Variants in PARVB observed in about 807,000 individuals in gnomAD.
The protein encoded by PARVB is parvin beta, also known as beta-parvin.
In PARVB, 46 loss-of-function variants were observed where a neutral mutation model predicts 47.0. The ratio of observed to expected loss-of-function variants is 0.98; its 90% CI spans 0.77 to 1.25. The LOEUF (loss-of-function observed/expected upper bound fraction) is 1.25, where lower values mean the gene tolerates loss of function less well. Ranked by LOEUF, PARVB falls within the 50% of genes most tolerant of loss-of-function variation. The probability of loss-of-function intolerance (pLI) is 0.00; values close to 1 mark genes in which losing one functional copy is unlikely to be tolerated. For missense variants in PARVB, 473 were observed against 471.6 expected (o/e 1.00, Z -0.03); for synonymous variants, 196 against 196.3 (o/e 1.00, Z 0.01).
At chr22:44,082,181 C>T (rs1324759778) in intron 1 of PARVB, among the ~76,000 whole-genome samples, 1 of 152,026 alleles carries the variant, frequency 6.6e-6, no homozygotes, top group African/African-American at 2.4e-5. Context: ...GGGCACTGGG[C>T]GGTAGGTTCC....
At chr22:44,154,991 T>A (rs1601694439) in intron 10 of PARVB, among the ~76,000 whole-genome samples, 1 of 120,886 alleles carries the variant, frequency 8.3e-6, no homozygotes, top group African/African-American at 3.1e-5. Context: ...TGTGTGGTTT[T>A]TGTAGTCTGT....
chr22:44,092,031 G>A (rs1274380807), intron 1 of PARVB, among the ~76,000 whole-genome samples: 1 of 152,136 alleles, frequency 6.6e-6, no homozygotes, highest in Non-Finnish European at 1.5e-5. Flanking sequence ...GATGTTCATT[G>A]TTTGGTTACA....
At chr22:44,028,321 T>G (rs527976912) in intron 1 of PARVB, among the ~76,000 whole-genome samples, 6 of 152,194 alleles carry the variant, frequency 3.9e-5, no homozygotes, top group East Asian at 1.9e-4. Context: ...TGTTTTGTTT[T>G]TTTGGTTTTT....
chr22:44,055,568 C>T (rs2051291503), intron 1 of PARVB, among the ~76,000 whole-genome samples: 1 of 151,994 alleles, frequency 6.6e-6, no homozygotes, highest in African/African-American at 2.4e-5. Flanking sequence ...CTCCTGACCT[C>T]GTGATCCGCC....
intron 4 of PARVB, among the ~76,000 whole-genome samples, chr22:44,129,103 G>A (rs920506564): frequency 7.9e-5 from 12 of 152,062 alleles, no homozygotes; most frequent in Admixed American, 7.9e-4. Context: ...ATTAAAAGAG[G>A]TAATGAAAGT....
chr22:44,149,179 A>T (rs1311276635), intron 9 of PARVB: 1 of 152,162 alleles, frequency 6.6e-6, no homozygotes, highest in African/African-American at 2.4e-5. Context: ...CTCTCTGTGC[A>T]TGGGCTTAGC....
intron 12 of PARVB, among the ~76,000 whole-genome samples, chr22:44,165,280 A>G (rs1439491409): frequency 2.4e-4 from 37 of 151,910 alleles, no homozygotes; most frequent in Admixed American, 2.4e-3. Context: ...GGCCTTGTTT[A>G]TTTTTTATTG....
At chr22:44,162,649 G>A (rs1219840600) in intron 11 of PARVB, 17 of 152,288 alleles carry the variant, frequency 1.1e-4, no homozygotes, top group Admixed American at 9.2e-4. Flanking sequence ...GAGCCCTGAA[G>A]TCCCTTGCAC....
Position 44,090,289 on chromosome 22 carries a change from G to A in PARVB, c.113-3639G>A, listed in dbSNP as rs193136094. On this transcript the variant is annotated intron_variant, in intron 1 of 12. Coordinates refer to ENST00000338758, the MANE Select transcript of PARVB (RefSeq NM_013327.5). ...GCTCCTCCTGCCAACCGAGGGGTCT[G>A]CCAGCCTGTGCCCCCCTCCTCCTGG... Among the ~76,000 whole-genome samples the A allele has an allele frequency of 1.6e-3, 241 of 152,340 alleles. 1 individual carries two copies. Among genetic ancestry groups the A allele is most frequent in the Non-Finnish European group, 2.6e-3 (176 of 68,028 alleles).
intron 11 of PARVB, among the ~76,000 whole-genome samples, chr22:44,161,303 CT>C (rs1412765431): frequency 3.3e-5 from 4 of 122,032 alleles, no homozygotes; most frequent in African/African-American, 1.3e-4. Flanking sequence ...CCTTGTTTTT[CT>C]TTTCTTTTTT....
intron 6 of PARVB, among the ~76,000 whole-genome samples, chr22:44,134,852 A>G (rs557512019): frequency 6.6e-6 from 1 of 152,330 alleles, no homozygotes; most frequent in East Asian, 1.9e-4. Context: ...CCATAAAACC[A>G]AGATTTTACT....
chr22:44,070,325 A>T (rs923591526), intron 1 of PARVB, among the ~76,000 whole-genome samples: 1 of 152,130 alleles, frequency 6.6e-6, no homozygotes, highest in Non-Finnish European at 1.5e-5. Flanking sequence ...GGGCCCTGCT[A>T]GGGGACCCAG....
chr22:44,096,257 C>T (rs2052305483), intron 2 of PARVB, among the ~76,000 whole-genome samples: 1 of 152,092 alleles, frequency 6.6e-6, no homozygotes, highest in African/African-American at 2.4e-5. Flanking sequence ...ATTAGCCAGG[C>T]ATGGTGGCAC....
intron 1 of PARVB, among the ~76,000 whole-genome samples, chr22:44,035,260 G>A (rs1366080728): frequency 6.6e-6 from 1 of 151,948 alleles, no homozygotes; most frequent in Non-Finnish European, 1.5e-5. Context: ...TTTACAAGAT[G>A]AATGCTCTGA....
chr22:44,152,165 TTA>T, intron 10 of PARVB: 1 of 151,908 alleles, frequency 6.6e-6, no homozygotes. Flanking sequence ...TTTTTTTTTT[TTA>T]AAGACAGAGT....
chr22:44,063,610 C>T (rs1003896970), intron 1 of PARVB, among the ~76,000 whole-genome samples: 1 of 152,022 alleles, frequency 6.6e-6, no homozygotes, highest in South Asian at 2.1e-4. Flanking sequence ...TTAGAGGGTG[C>T]CTGACAGGCA....
chr22:44,128,894 A>G (rs539732122), intron 4 of PARVB, among the ~76,000 whole-genome samples: 2 of 152,210 alleles, frequency 1.3e-5, no homozygotes, highest in South Asian at 4.1e-4. Flanking sequence ...CCTGATCAAC[A>G]TGGTGAAACC....
At chr22:44,168,504 G>A (rs546670328) in intron 12 of PARVB, 98 bp from the exon 13 acceptor site, 12 of 802,854 alleles carry the variant, frequency 1.5e-5, no homozygotes, top group African/African-American at 1.0e-4. Flanking sequence ...GTGTGGATGC[G>A]GCAGCTGGTG....
At chr22:44,043,421 C>T (rs549456419) in intron 1 of PARVB, among the ~76,000 whole-genome samples, 1 of 152,220 alleles carries the variant, frequency 6.6e-6, no homozygotes, top group Admixed American at 6.5e-5. Context: ...CTCTGTCGCC[C>T]ATGCTGGAGT....
Sources: gnomAD v4.1 joint callset for allele counts (sites outside exome capture counted in the v4.1 genomes callset) on GRCh38, gnomAD v4.1.1 for gene constraint, MANE v1.5 for transcripts, NCBI Gene and HGNC (gene_info 2026-07-23, HGNC 2026-07-21) for gene names.